Variants in NLRP14 observed in about 807,000 individuals in gnomAD.
NLRP14 encodes NLR family pyrin domain containing 14, also known as NACHT, LRR and PYD domains-containing protein 14.
NLRP14 carries 105 observed loss-of-function variants against 94.7 expected under a neutral mutation model. That is an observed-to-expected ratio of 1.11 (90% CI 0.95 to 1.30). The LOEUF is 1.30. Among genes scored for constraint, NLRP14 ranks in the 50% most tolerant of loss-of-function variants. NLRP14 has a pLI of 0.00. For synonymous variants in NLRP14, 508 were observed against 459.9 expected, an observed-to-expected ratio of 1.10 and a Z score of -1.34; for missense variants, 1,362 against 1,254.1, an observed-to-expected ratio of 1.09 and a Z score of -1.30.
At chr11:7,049,326 A>T (rs140184519) in intron 5 of NLRP14, among the ~76,000 whole-genome samples, 183 of 152,300 alleles carry the variant, frequency 1.2e-3, no homozygotes, top group African/African-American at 4.0e-3. Flanking sequence ...TTTTGAATTA[A>T]CCTTGGATTA....
the NLRP14 span, among the ~76,000 whole-genome samples, chr11:7,078,330 C>A: frequency 7.0e-6 from 1 of 143,030 alleles, no homozygotes; most frequent in African/African-American, 2.6e-5. Flanking sequence ...CCCAGCTACT[C>A]AGGAGGCTGA....
chr11:7,041,780 T>A (rs1169793030), intron 3 of NLRP14, among the ~76,000 whole-genome samples: 1 of 152,226 alleles, frequency 6.6e-6, no homozygotes, highest in Non-Finnish European at 1.5e-5. Context: ...AGAGAGGTCT[T>A]CCCTGAGATC....
At chr11:7,022,233 T>C (rs1851956796) in intron 1 of NLRP14, among the ~76,000 whole-genome samples, 1 of 152,156 alleles carries the variant, frequency 6.6e-6, no homozygotes. Context: ...GGACCCTCCC[T>C]GGCTTGAATG....
chr11:7,090,183 G>A, the NLRP14 span: 3 of 1,613,700 alleles, frequency 1.9e-6, no homozygotes, highest in Non-Finnish European at 2.5e-6. Context: ...TCTGTCCATG[G>A]AAAGGGGCTG....
At chr11:7,087,342 C>T in the NLRP14 span, among the ~76,000 whole-genome samples, 1 of 152,226 alleles carries the variant, frequency 6.6e-6, no homozygotes, top group African/African-American at 2.4e-5. Context: ...AAAACCTTTA[C>T]CTGTAAGCCA....
chr11:7,034,069 A>G (rs1477909139), intron 1 of NLRP14, among the ~76,000 whole-genome samples: 1 of 152,212 alleles, frequency 6.6e-6, no homozygotes, highest in East Asian at 1.9e-4. Flanking sequence ...TTGGAAAGAA[A>G]TCAATAAGCA....
At chr11:7,082,484 G>A in the NLRP14 span, among the ~76,000 whole-genome samples, 1 of 152,160 alleles carries the variant, frequency 6.6e-6, no homozygotes, top group South Asian at 2.1e-4. Context: ...GCTTTCATTT[G>A]ATCCTGCCTA....
intron 9 of NLRP14, among the ~76,000 whole-genome samples, chr11:7,061,257 A>G (rs1428071402): frequency 1.3e-5 from 2 of 152,118 alleles, no homozygotes; most frequent in Admixed American, 6.6e-5. Context: ...TGTAGATGAC[A>G]TGGGTTACTA....
In NLRP14 at chr11:7,029,082, A is replaced by G. The variant is rs377167449; in HGVS notation, c.-22+8312A>G. 5.9e-4 allele frequency among the ~76,000 whole-genome samples: 90 copies of G among 152,306 alleles called. 1 individual carries two copies. The highest frequency in any genetic ancestry group is 5.4e-3 in the South Asian group (26 of 4,818). ...ACATACCAGAGAATTGATATGTTCA[A>G]TGTGTATTGTTTATTGGGAGGGATT... On this transcript the variant is annotated intron_variant, in intron 1 of 11. Coordinates refer to ENST00000299481, the MANE Select transcript of NLRP14 (RefSeq NM_176822.4).
At chr11:7,087,040 T>G in the NLRP14 span, among the ~76,000 whole-genome samples, 4,703 of 34,412 alleles carry the variant, frequency 0.14, 137 homozygotes, top group East Asian at 0.53. Context: ...AGACCTCAGA[T>G]AAGAGGGAAC....
chr11:7,088,974 G>T, the NLRP14 span: 1 of 929,696 alleles, frequency 1.1e-6, no homozygotes, highest in Non-Finnish European at 1.6e-6. Context: ...GCGCCCTGCA[G>T]CGGGGCTCCG....
At position 7,071,090 on chromosome 11, in the gene NLRP14, C is replaced by T; in HGVS notation, c.3147-83C>T. The stretch of plus-strand genomic sequence containing the variant: ...ATTTTAACAGAACAGTTTTTTTTCT[C>T]CTGAAATAAATCCTTTACAGAGAAA... On this transcript the variant is annotated intron_variant, in intron 11 of 11. Coordinates refer to ENST00000299481, the MANE Select transcript of NLRP14 (RefSeq NM_176822.4). The T allele has an allele frequency of 2.0e-6, 3 of 1,509,750 alleles. No homozygotes were observed. The South Asian group carries it at 3.5e-5, about 17-fold the overall frequency. The allele number at this position is 1,509,750 out of a possible 1,614,324, so 93.5% of individuals were successfully genotyped here. A position where few individuals can be genotyped will look rare whatever the true frequency, so the allele number is the denominator to read the frequency against.
chr11:7,074,924 A>G (rs1852855980), downstream of NLRP14, among the ~76,000 whole-genome samples: 2 of 152,212 alleles, frequency 1.3e-5, no homozygotes, highest in Admixed American at 1.3e-4. Flanking sequence ...TTGAAGAAAA[A>G]AGGAATAAAG....
At chr11:7,079,258 C>G in the NLRP14 span, among the ~76,000 whole-genome samples, 2 of 152,204 alleles carry the variant, frequency 1.3e-5, no homozygotes, top group Non-Finnish European at 2.9e-5. Context: ...TCCAGTTACT[C>G]TCTTGGAGGA....
rs1304997439 is a variant in NLRP14 at position 7,058,311 on chromosome 11, TGTGA to T, written c.2497_2500del (p.Glu833IlefsTer12). ...AAGCTGTGGTCTCACAGAGGCTGGCTGTGAGTATCTTTCTTTGGCTCTCATCAGC... is the reference window on the plus strand; with the variant it reads ...AAGCTGTGGTCTCACAGAGGCTGGCTGTATCTTTCTTTGGCTCTCATCAGC... On this transcript the variant is annotated frameshift_variant, in exon 8 of 12. Coordinates refer to ENST00000299481, the MANE Select transcript of NLRP14 (RefSeq NM_176822.4). LOFTEE classifies it high-confidence loss of function. 1 of 1,612,748 alleles carries T rather than the reference TGTGA, an allele frequency of 6.2e-7. No individual in the cohort carries two copies. Among genetic ancestry groups the T allele is most frequent in the Non-Finnish European group, 8.5e-7 (1 of 1,178,956 alleles).
the NLRP14 span, among the ~76,000 whole-genome samples, chr11:7,088,275 A>G: frequency 1.3e-5 from 2 of 152,210 alleles, no homozygotes; most frequent in Non-Finnish European, 2.9e-5. Context: ...TATGTTTGAA[A>G]ATTTACAAAC....
At position 7,043,841 on chromosome 11, in the gene NLRP14, T is replaced by A; in HGVS notation, c.1815T>A (p.Val605=). The A allele has an allele frequency of 6.2e-7, 1 of 1,614,256 alleles. No homozygotes were observed. Among genetic ancestry groups the A allele is most frequent in the South Asian group, 1.1e-5 (1 of 91,092 alleles). ...AGGCAATGAGATGTTTCCCAAAGGTTGCCATTAATATTTGTGAGAAAATAC... is the reference window on the plus strand; with the variant it reads ...AGGCAATGAGATGTTTCCCAAAGGTAGCCATTAATATTTGTGAGAAAATAC... ...ISQAMRCFPK[V]AINICEKIHL... Residue 605 remains valine (V), a synonymous_variant, in exon 4 of 12, where the codon GTT becomes GTA. Coordinates refer to ENST00000299481, the MANE Select transcript of NLRP14 (RefSeq NM_176822.4).
Position 7,049,654 on chromosome 11 carries a change from A to C in NLRP14, c.2124-17A>C, listed in dbSNP as rs1178362035. 15 of 1,589,916 alleles carry C rather than the reference A, an allele frequency of 9.4e-6. No homozygotes were observed. Among genetic ancestry groups the C allele is most frequent in the Non-Finnish European group, 1.3e-5 (15 of 1,158,054 alleles). The stretch of plus-strand genomic sequence containing the variant: ...GAAATGGTTTTGTAATACCTCCTGC[A>C]TATTTTTCTTCTGAAGGTTGAAATT... On this transcript the variant is annotated splice_polypyrimidine_tract_variant and intron_variant, in intron 5 of 11. Transcript: ENST00000299481.
chr11:7,039,640 G>T lies in NLRP14; in HGVS notation c.290-74G>T. On this transcript the variant is annotated intron_variant, in intron 2 of 11. Coordinates refer to ENST00000299481, the MANE Select transcript of NLRP14 (RefSeq NM_176822.4). ...AATTGGACCACTTATGTGAATGCTG[G>T]CCTCTGTTCTAGCCATCATGAAAGC... is the stretch of plus-strand genomic sequence containing the variant. The T allele has an allele frequency of 8.6e-7, 1 of 1,167,672 alleles. No homozygotes were observed. Among genetic ancestry groups the T allele is most frequent in the Non-Finnish European group, 1.3e-6 (1 of 772,110 alleles). 72.3% of individuals were successfully genotyped at this position (1,167,672 alleles called of 1,614,324 possible). A position where few individuals can be genotyped will look rare whatever the true frequency, so the allele number is the denominator to read the frequency against.
Sources: gnomAD v4.1 joint callset for allele counts (sites outside exome capture counted in the v4.1 genomes callset) on GRCh38, gnomAD v4.1.1 for gene constraint, MANE v1.5 for transcripts, NCBI Gene and HGNC (gene_info 2026-07-23, HGNC 2026-07-21) for gene names.